The following ELAVL2 variants were observed in gnomAD, a reference collection of about 807,000 sequenced individuals.
ELAVL2 encodes the protein ELAV like RNA binding protein 2, also known as ELAV-like protein 2.
ELAVL2 carries 4 observed loss-of-function variants against 34.6 expected under a neutral mutation model. That is an observed-to-expected ratio of 0.12 (90% CI 0.06 to 0.26). The LOEUF (loss-of-function observed/expected upper bound fraction) is 0.26. Ranked by LOEUF, ELAVL2 falls within the 10% of genes least tolerant of loss-of-function variation. The pLI is 1.00. For missense variants in ELAVL2, 432 were observed against 442.8 expected (o/e 0.98, Z 0.22); for synonymous variants, 193 against 154.8 (o/e 1.25, Z -1.83).
chr9:23,745,547 G>C (rs1014839388), intron 2 of ELAVL2, among the ~76,000 whole-genome samples: 1 of 151,616 alleles, frequency 6.6e-6, no homozygotes, highest in African/African-American at 2.4e-5. Context: ...TTACTTGCTG[G>C]GAAAAAAAAC....
At chr9:23,697,656 T>A (rs927666134) in intron 5 of ELAVL2, among the ~76,000 whole-genome samples, 2 of 152,184 alleles carry the variant, frequency 1.3e-5, no homozygotes, top group African/African-American at 4.8e-5. Flanking sequence ...CAGAACCATG[T>A]ATCAGATCAT....
rs539133322 is a variant in ELAVL2 at position 23,810,020 on chromosome 9, AT to A, written c.-16+15785del. 9.5e-4 allele frequency among the ~76,000 whole-genome samples: 144 copies of A among 152,216 alleles called. 1 individual carries two copies. Among genetic ancestry groups the A allele is most frequent in the South Asian group, 3.5e-3 (17 of 4,820 alleles). On this transcript the variant is annotated intron_variant, in intron 1 of 6. Coordinates refer to ENST00000397312, the MANE Select transcript of ELAVL2 (RefSeq NM_004432.5). Reference sequence around the variant, plus strand: ...AGTAGTATTTCTAAAATCCTGCCTGATTGGGAACACATTTTTTTTCATAAAC... The same window carrying A: ...AGTAGTATTTCTAAAATCCTGCCTGATGGGAACACATTTTTTTTCATAAAC...
chr9:23,725,426 C>A (rs537123198), intron 3 of ELAVL2, among the ~76,000 whole-genome samples: 91 of 152,258 alleles, frequency 6.0e-4, no homozygotes, highest in African/African-American at 2.1e-3. Context: ...TAGAGCCACT[C>A]GTCTCAAACA....
Position 23,699,358 on chromosome 9 carries a change from G to C in ELAVL2, c.713+2021C>G, listed in dbSNP as rs536828024. On this transcript the variant is annotated intron_variant, in intron 5 of 6. Coordinates refer to ENST00000397312, the MANE Select transcript of ELAVL2 (RefSeq NM_004432.5). ...TCAATCTTCCTAAGAATTCAATCTT[G>C]ATTCCAAGAACTTTGTTTTACTTAA... 2.0e-5 allele frequency among the ~76,000 whole-genome samples: 3 copies of C among 152,132 alleles called. No homozygotes were observed. In the East Asian group the frequency reaches 5.8e-4, roughly 29 times the overall value.
At chr9:23,705,891 C>G (rs2039171880) in intron 3 of ELAVL2, among the ~76,000 whole-genome samples, 1 of 152,172 alleles carries the variant, frequency 6.6e-6, no homozygotes, top group South Asian at 2.1e-4. Flanking sequence ...CCCAATCATT[C>G]TAAGCTTAAA....
rs563678193 is a variant in ELAVL2, at chr9:23,719,311, C to T, written c.333+11711G>A. Reference sequence around the variant, plus strand: ...AAATAGTATCCCCTTTGCCACTTGGCAGATAAATGTTCTTTAATACTCCAA... The same window carrying T: ...AAATAGTATCCCCTTTGCCACTTGGTAGATAAATGTTCTTTAATACTCCAA... On this transcript the variant is annotated intron_variant, in intron 3 of 6. Coordinates refer to ENST00000397312, the MANE Select transcript of ELAVL2 (RefSeq NM_004432.5). Among the ~76,000 whole-genome samples the T allele has an allele frequency of 7.2e-5, 11 of 152,276 alleles. No individual in the cohort carries two copies. The South Asian group carries it at 2.3e-3, about 32-fold the overall frequency.
intron 1 of ELAVL2, among the ~76,000 whole-genome samples, chr9:23,816,448 T>C (rs1209684371): frequency 2.0e-5 from 3 of 150,226 alleles, no homozygotes; most frequent in Non-Finnish European, 4.4e-5. Context: ...GCTGAAATAA[T>C]CTCCAATAAT....
chr9:23,731,797 G>C (rs147699143), intron 2 of ELAVL2, among the ~76,000 whole-genome samples: 4 of 152,180 alleles, frequency 2.6e-5, no homozygotes, highest in Non-Finnish European at 4.4e-5. Flanking sequence ...TATAGGAAAA[G>C]AAGAAATAGA....
chr9:23,759,754 TTATATATATATATATA>T (rs774471922), intron 2 of ELAVL2, among the ~76,000 whole-genome samples: 24 of 81,346 alleles, frequency 3.0e-4, no homozygotes, highest in South Asian at 9.5e-4. Context: ...ATATATAGTA[TTATATATATATATATA>T]TATATATATA....
intron 2 of ELAVL2, among the ~76,000 whole-genome samples, chr9:23,753,144 C>T (rs534345884): frequency 1.3e-5 from 2 of 152,218 alleles, no homozygotes; most frequent in African/African-American, 2.4e-5. Flanking sequence ...CCTGACAAAT[C>T]GAATGACACT....
In ELAVL2 at chr9:23,796,677, T is replaced by C. The variant is rs193222433; in HGVS notation, c.-16+29129A>G. 1.5e-3 allele frequency among the ~76,000 whole-genome samples: 236 copies of C among 152,366 alleles called. 1 individual carries two copies. The highest frequency in any genetic ancestry group is 2.7e-3 in the Non-Finnish European group (185 of 68,042). On this transcript the variant is annotated intron_variant, in intron 1 of 6. Transcript: ENST00000397312. Reference sequence around the variant, plus strand: ...CTTACGGAGAGCCTTGACACTATTATTGCCAAATCTATACGTAGAGTTAGT... The same window carrying C: ...CTTACGGAGAGCCTTGACACTATTACTGCCAAATCTATACGTAGAGTTAGT...
intron 1 of ELAVL2, among the ~76,000 whole-genome samples, chr9:23,796,331 A>G (rs1193716739): frequency 6.6e-6 from 1 of 152,212 alleles, no homozygotes; most frequent in Non-Finnish European, 1.5e-5. Flanking sequence ...ATCTCCATTT[A>G]AAAAGCCTCT....
intron 1 of ELAVL2, among the ~76,000 whole-genome samples, chr9:23,813,677 G>A (rs984632349): frequency 5.9e-5 from 9 of 152,168 alleles, no homozygotes; most frequent in Admixed American, 3.9e-4. Flanking sequence ...AAGTTAAGCT[G>A]AGAGAAGCTC....
intron 5 of ELAVL2, among the ~76,000 whole-genome samples, chr9:23,693,753 C>T (rs779941087): frequency 2.6e-5 from 4 of 152,266 alleles, no homozygotes; most frequent in Admixed American, 6.5e-5. Flanking sequence ...AGAGGAAGTG[C>T]GAAAGCTCTG....
At chr9:23,839,572 C>A in the ELAVL2 span, among the ~76,000 whole-genome samples, 1 of 152,098 alleles carries the variant, frequency 6.6e-6, no homozygotes, top group Non-Finnish European at 1.5e-5. Context: ...AAGAACAAAT[C>A]CTAAAATTGC....
chr9:23,800,398 A>T (rs1456545456), intron 1 of ELAVL2, among the ~76,000 whole-genome samples: 1 of 152,300 alleles, frequency 6.6e-6, no homozygotes, highest in East Asian at 1.9e-4. Flanking sequence ...CCGGGATGGT[A>T]GTGCCCAAGA....
chr9:23,828,878 G>C (rs956339610), upstream of ELAVL2, among the ~76,000 whole-genome samples: 3 of 152,102 alleles, frequency 2.0e-5, no homozygotes, highest in South Asian at 6.2e-4. Flanking sequence ...TTTAAAACAA[G>C]TGATATCTGG....
At chr9:23,768,355 C>A in intron 1 of ELAVL2, among the ~76,000 whole-genome samples, 1 of 152,010 alleles carries the variant, frequency 6.6e-6, no homozygotes. Context: ...ACAAACTAAG[C>A]ATTGAAAAAG....
intron 1 of ELAVL2, among the ~76,000 whole-genome samples, chr9:23,813,780 C>G (rs2063342952): frequency 6.6e-6 from 1 of 152,150 alleles, no homozygotes; most frequent in African/African-American, 2.4e-5. Context: ...ACTATAAGAT[C>G]TAAATATGTA....
Sources: allele counts gnomAD v4.1 joint callset (sites outside exome capture counted in the v4.1 genomes callset), GRCh38; gene constraint gnomAD v4.1.1; transcripts MANE v1.5; gene names NCBI Gene and HGNC (gene_info 2026-07-23, HGNC 2026-07-21).